ANK2: variants seen among roughly 807,000 people sequenced by gnomAD.
ANK2 encodes the protein ankyrin 2.
A neutral mutation model predicts 360.5 loss-of-function variants in ANK2; 83 were observed. The ratio of observed to expected loss-of-function variants is 0.23; its 90% CI spans 0.19 to 0.28. The LOEUF (loss-of-function observed/expected upper bound fraction) is 0.28. ANK2 is among the 10% of genes least tolerant of loss of function. The probability of loss-of-function intolerance (pLI) is 1.00; values close to 1 mark genes in which losing one functional copy is unlikely to be tolerated. For missense variants in ANK2, 4,201 were observed against 4,795.7 expected (o/e 0.88, Z 3.66); for synonymous variants, 1,740 against 1,759.5 (o/e 0.99, Z 0.28).
intron 4 of ANK2, among the ~76,000 whole-genome samples, chr4:113,217,761 G>A (rs2099102873): frequency 1.3e-5 from 2 of 152,098 alleles, no homozygotes; most frequent in South Asian, 2.1e-4. Flanking sequence ...TTTCAGTACC[G>A]GTTCATGGCC....
chr4:112,818,238 C>G, exon 1 of ANK2: 1 of 152,242 alleles, frequency 6.6e-6, no homozygotes, highest in Admixed American at 6.5e-5. Flanking sequence ...CTCACAGGCA[C>G]ATTGCAGAGA....
intron 24 of ANK2, chr4:113,313,573 C>A (rs2081205266): frequency 6.6e-6 from 1 of 152,568 alleles, no homozygotes; most frequent in Non-Finnish European, 1.5e-5. Context: ...ATCTCATTTT[C>A]ATGGTCTTCT....
At chr4:112,730,722 G>A in the ANK2 span, among the ~76,000 whole-genome samples, 11 of 151,082 alleles carry the variant, frequency 7.3e-5, no homozygotes, top group Non-Finnish European at 1.6e-4. Flanking sequence ...ACACACAACA[G>A]GATAAATAGG....
At chr4:113,109,457 G>T (rs531881954) in intron 1 of ANK2, among the ~76,000 whole-genome samples, 1 of 152,246 alleles carries the variant, frequency 6.6e-6, no homozygotes, top group South Asian at 2.1e-4. Flanking sequence ...TCTGCTGAAG[G>T]TCTCGTTATT....
chr4:112,917,697 G>C (rs917694187), intron 2 of ANK2, among the ~76,000 whole-genome samples: 1 of 152,218 alleles, frequency 6.6e-6, no homozygotes, highest in Non-Finnish European at 1.5e-5. Flanking sequence ...AGTGCACTAA[G>C]AAGAGAGCAG....
chr4:113,198,927 G>C, intron 3 of ANK2, 84 bp from the exon 4 acceptor site: 1 of 1,076,162 alleles, frequency 9.3e-7, no homozygotes, highest in Non-Finnish European at 1.4e-6. Flanking sequence ...AAAGTGATTA[G>C]TGAAGTTGAA....
chr4:112,731,926 G>T, the ANK2 span, among the ~76,000 whole-genome samples: 2 of 152,146 alleles, frequency 1.3e-5, no homozygotes, highest in South Asian at 2.1e-4. Flanking sequence ...AAGTAGCCGG[G>T]ACAACAGGTG....
chr4:112,963,809 T>G (rs1207186401), intron 2 of ANK2, among the ~76,000 whole-genome samples: 1 of 151,996 alleles, frequency 6.6e-6, no homozygotes, highest in Non-Finnish European at 1.5e-5. Flanking sequence ...ACATCTAACA[T>G]TATTTTGAAA....
intron 1 of ANK2, among the ~76,000 whole-genome samples, chr4:112,856,033 G>A (rs2066318488): frequency 6.6e-6 from 1 of 152,054 alleles, no homozygotes; most frequent in Non-Finnish European, 1.5e-5. Flanking sequence ...ACTTCTGTTT[G>A]GCTTGCTCAT....
In ANK2 at chr4:113,196,433, G is replaced by A. The variant is rs1238892498; in HGVS notation, c.252G>A (p.Leu84=). The change falls in exon 3 of 46, where the codon CTG becomes CTA. Residue 84 remains leucine, a synonymous_variant. Coordinates refer to ENST00000357077, the MANE Select transcript of ANK2 (RefSeq NM_001148.6). Reference sequence around the variant, plus strand: ...ACGTGGGGCTGGTGCAGGAGCTGCTGGGAAGAGGGTCCTCTGTGGATTCTG... The same window carrying A: ...ACGTGGGGCTGGTGCAGGAGCTGCTAGGAAGAGGGTCCTCTGTGGATTCTG... ...EGHVGLVQEL[L]GRGSSVDSAT... 6.2e-7 allele frequency: 1 copy of A among 1,613,524 alleles called. No homozygotes were observed.
At chr4:113,249,950 G>A in intron 10 of ANK2, 88 bp downstream of exon 10, 1 of 1,220,490 alleles carries the variant, frequency 8.2e-7, no homozygotes, top group Non-Finnish European at 1.2e-6. Context: ...TGAAACATCA[G>A]GCAAGCATTT....
chr4:112,788,605 C>G, the ANK2 span: 1 of 1,594,130 alleles, frequency 6.3e-7, no homozygotes, highest in South Asian at 1.1e-5. Flanking sequence ...AGCTGAGTAG[C>G]TGTTTGGCGG....
chr4:113,044,292 C>T lies in ANK2; in HGVS notation c.22-130124C>T, dbSNP rs536705255. Among the ~76,000 whole-genome samples the T allele has an allele frequency of 3.3e-5, 5 of 152,242 alleles. No homozygotes were observed. The South Asian group carries it at 1.0e-3, about 32-fold the overall frequency. ...AGTAATTCAGGGATTCAGCCTTTCC[C>T]CAGTCTTTGCTCTTCCACCTTCTAG... On this transcript the variant is annotated intron_variant, in intron 2 of 30. Coordinates refer to the ANK2 transcript ENST00000503271.
the ANK2 span, among the ~76,000 whole-genome samples, chr4:112,767,251 T>G: frequency 6.6e-6 from 1 of 151,976 alleles, no homozygotes; most frequent in African/African-American, 2.4e-5. Flanking sequence ...TAATCTGACT[T>G]CTAAAATGAG....
intron 1 of ANK2, chr4:112,826,802 A>G (rs906376748): frequency 3.6e-6 from 4 of 1,104,300 alleles, no homozygotes; most frequent in South Asian, 1.4e-5. Context: ...TGCTTCAAGC[A>G]TCTTCTACTC....
At position 112,953,285 on chromosome 4, in the gene ANK2, G is replaced by A. The variant is rs569660930; in HGVS notation, c.21+48771G>A. Among the ~76,000 whole-genome samples the A allele has an allele frequency of 3.9e-5, 6 of 152,314 alleles. No homozygotes were observed. In the East Asian group the frequency reaches 1.2e-3, roughly 29 times the overall value. ...GAAATGCAGTTTAAGTTTATCCATT[G>A]TTTAGGCAAGCATAATTTATAGCTT... On this transcript the variant is annotated intron_variant, in intron 2 of 30. Coordinates refer to the ANK2 transcript ENST00000503271.
chr4:113,282,966 A>G (rs1175383406), intron 18 of ANK2, 94 bp downstream of exon 18: 4 of 1,380,754 alleles, frequency 2.9e-6, no homozygotes, highest in African/African-American at 1.4e-5. Flanking sequence ...GGAGCAATGT[A>G]TTAAAAAGAA....
chr4:113,057,796 T>C (rs1305051580), intron 1 of ANK2, among the ~76,000 whole-genome samples: 3 of 152,162 alleles, frequency 2.0e-5, no homozygotes, highest in Non-Finnish European at 4.4e-5. Context: ...AAAGAGATGC[T>C]GGTATGGATA....
chr4:112,741,978 AC>A, the ANK2 span, among the ~76,000 whole-genome samples: 5 of 152,172 alleles, frequency 3.3e-5, no homozygotes, highest in Admixed American at 2.0e-4. Flanking sequence ...TGAACAGGTT[AC>A]TGTTTAGAGA....
Sources: allele counts gnomAD v4.1 joint callset (sites outside exome capture counted in the v4.1 genomes callset), GRCh38; gene constraint gnomAD v4.1.1; transcripts MANE v1.5; gene names NCBI Gene and HGNC (gene_info 2026-07-23, HGNC 2026-07-21).